The following EPS8L3 variants were observed in gnomAD, a reference collection of about 807,000 sequenced individuals.
The protein encoded by EPS8L3 is EPS8 signaling adaptor L3, also known as epidermal growth factor receptor kinase substrate 8-like protein 3.
A neutral mutation model predicts 88.5 loss-of-function variants in EPS8L3; 80 were observed. That is an observed-to-expected ratio of 0.90 (90% CI 0.75 to 1.09). EPS8L3 has a LOEUF of 1.09. Ranked by LOEUF, EPS8L3 falls within the 50% of genes least tolerant of loss-of-function variation. The pLI is 0.00. For synonymous variants in EPS8L3, 286 were observed against 291.0 expected (o/e 0.98, Z 0.18); for missense variants, 721 against 735.2 (o/e 0.98, Z 0.22).
intron 16 of EPS8L3, 70 bp from the exon 17 acceptor site, chr1:109,751,421 G>T (rs1649781861): frequency 2.0e-6 from 3 of 1,502,806 alleles, no homozygotes; most frequent in Admixed American, 3.5e-5. Context: ...CTAACATCTG[G>T]GTCCCTTCTC....
intron 12 of EPS8L3, 22 bp from the exon 13 acceptor site, chr1:109,753,220 A>G (rs780207255): frequency 3.2e-6 from 5 of 1,584,102 alleles, no homozygotes; most frequent in Non-Finnish European, 4.3e-6. Context: ...AACAAAGCTG[A>G]GTTCACATCC....
Position 109,759,144 on chromosome 1 carries a change from AGT to A in EPS8L3, c.406-29_406-28del, listed in dbSNP as rs3220009. 364,634 of 1,459,138 alleles carry A rather than the reference AGT, an allele frequency of 0.25. 8,269 individuals are homozygous for A. Among genetic ancestry groups the A allele is most frequent in the East Asian group, 0.29 (12,392 of 42,098 alleles). 90.4% of individuals were successfully genotyped at this position (1,459,138 alleles called of 1,614,324 possible). A position where few individuals can be genotyped will look rare whatever the true frequency, so the allele number is the denominator to read the frequency against. On this transcript the variant is annotated intron_variant, in intron 5 of 18. Coordinates refer to ENST00000361965, the MANE Select transcript of EPS8L3 (RefSeq NM_133181.4). The surrounding 1 kb of genome is among the most constrained non-coding windows in gnomAD (Gnocchi z 4.2). ...TGGGAAGCAGCAGTCAGGCAGGCTA[AGT>A]GTGTGTGTGTGTGTGTGTGTGTGTG... is the stretch of plus-strand genomic sequence containing the variant.
chr1:109,751,983 C>A lies in EPS8L3; in HGVS notation c.1434+12G>T. 6.3e-7 allele frequency: 1 copy of A among 1,594,224 alleles called. No homozygotes were observed. The highest frequency in any genetic ancestry group is 1.1e-5 in the South Asian group (1 of 87,404). On this transcript the variant is annotated intron_variant, in intron 15 of 18. Coordinates refer to ENST00000361965, the MANE Select transcript of EPS8L3 (RefSeq NM_133181.4). ...CACCACCTCCTTTTCTAGCCTATGGCCCAAGCCTCACCTCCAGCTTCTCTC... is the reference window on the plus strand; with the variant it reads ...CACCACCTCCTTTTCTAGCCTATGGACCAAGCCTCACCTCCAGCTTCTCTC...
At chr1:109,761,840 C>T in intron 1 of EPS8L3, 67 bp from the exon 2 acceptor site, 6 of 1,430,586 alleles carry the variant, frequency 4.2e-6, no homozygotes, top group Non-Finnish European at 5.9e-6. Context: ...CACAGCAGGG[C>T]AGGACAGTTG....
chr1:109,759,174 T>C lies in EPS8L3; in HGVS notation c.406-57A>G. The C allele has an allele frequency of 6.4e-7, 1 of 1,562,216 alleles. No homozygotes were observed. Among genetic ancestry groups the C allele is most frequent in the East Asian group, 2.2e-5 (1 of 44,688 alleles). On this transcript the variant is annotated intron_variant, in intron 5 of 18. Coordinates refer to ENST00000361965, the MANE Select transcript of EPS8L3 (RefSeq NM_133181.4). The surrounding 1 kb of genome is among the most constrained non-coding windows in gnomAD (Gnocchi z 4.2). ...GTGTGTGTGTGTGTGTGTGTGTGTG[T>C]GTGTGTGTGGTGGGGTGATGGTCGA...
At position 109,757,496 on chromosome 1, in the gene EPS8L3, G is replaced by T. The variant is rs1452615015; in HGVS notation, c.954C>A (p.Phe318Leu). 2.5e-6 allele frequency: 4 copies of T among 1,614,116 alleles called. No individual in the cohort carries two copies. Among genetic ancestry groups the T allele is most frequent in the Non-Finnish European group, 2.5e-6 (3 of 1,179,988 alleles). The change falls in exon 11 of 19, where the codon TTC (phenylalanine) becomes TTA (leucine). Residue 318 changes from phenylalanine (F) to leucine (L), a missense_variant. Transcript: ENST00000361965. The part of the protein sequence containing the change: ...TSAPELVHIL[F>L]KSLNFILARC... Reference sequence around the variant, plus strand: ...CTTGACTCACGAAGTTCAGGGACTTGAAGAGGATGTGTACGAGCTCAGGGG... The same window carrying T: ...CTTGACTCACGAAGTTCAGGGACTTTAAGAGGATGTGTACGAGCTCAGGGG...
At position 109,752,054 on chromosome 1, in the gene EPS8L3, A is replaced by G. The variant is rs750844890; in HGVS notation, c.1375T>C (p.Tyr459His). The G allele has an allele frequency of 3.7e-6, 6 of 1,613,958 alleles. No homozygotes were observed. Among genetic ancestry groups the G allele is most frequent in the South Asian group, 3.3e-5 (3 of 91,044 alleles). Residue 459 changes from tyrosine (Y) to histidine (H), a missense_variant, in exon 15 of 19, where the codon TAC becomes CAC. Physicochemically the swap from Tyr to His is moderately conservative, Grantham distance 83. Coordinates refer to ENST00000361965, the MANE Select transcript of EPS8L3 (RefSeq NM_133181.4). ...AQPALKMQVL[Y>H]EFEARNPREL... ...CGTGGGTTCCTAGCTTCAAACTCGT[A>G]CAAGACTTGCATTTTCAGGGCTGGC...
At chr1:109,750,839 C>T in intron 17 of EPS8L3, 47 bp from the exon 18 acceptor site, 1 of 1,609,984 alleles carries the variant, frequency 6.2e-7, no homozygotes, top group Non-Finnish European at 8.5e-7. Context: ...TGGAAGGACC[C>T]TGGGCCTGAG....
At chr1:109,762,172 C>T (rs1355864164) in intron 1 of EPS8L3, among the ~76,000 whole-genome samples, 5 of 152,156 alleles carry the variant, frequency 3.3e-5, no homozygotes, top group African/African-American at 1.2e-4. Flanking sequence ...GTTCTGTAGC[C>T]GACCCCGCCA....
chr1:109,761,643 G>C, intron 2 of EPS8L3, 76 bp downstream of exon 2: 1 of 1,607,174 alleles, frequency 6.2e-7, no homozygotes, highest in Non-Finnish European at 8.5e-7. Context: ...GTTGGTGTGA[G>C]GAAGGGGGAG....
chr1:109,762,250 AGC>A (rs1651058020), intron 1 of EPS8L3, among the ~76,000 whole-genome samples: 1 of 152,080 alleles, frequency 6.6e-6, no homozygotes, highest in Non-Finnish European at 1.5e-5. Context: ...CTGGCTCTTC[AGC>A]TGTAGACCCT....
Position 109,751,346 on chromosome 1 carries a change from T to C in EPS8L3, c.1569A>G (p.Pro523=). 1 of 1,613,646 alleles carries C rather than the reference T, an allele frequency of 6.2e-7. No homozygotes were observed. Among genetic ancestry groups the C allele is most frequent in the Non-Finnish European group, 8.5e-7 (1 of 1,179,960 alleles). ...CAGGCCTCGAGCTAAGTCGAAGCAT[T>C]GGAACCTAGAATCAGGGGGAACCAG... ...GTQGQSPSRV[P]MLRLSSRPEE... is the part of the protein sequence containing the mutation. The change falls in exon 17 of 19, where the codon CCA becomes CCG. Residue 523 remains proline, a synonymous_variant. Transcript: ENST00000361965.
At chr1:109,761,063 A>G (rs959279224) in intron 3 of EPS8L3, among the ~76,000 whole-genome samples, 17 of 151,792 alleles carry the variant, frequency 1.1e-4, no homozygotes, top group Admixed American at 9.8e-4. Context: ...TCAATCCCCC[A>G]CAGGGCCCAA....
At chr1:109,758,701 G>A (rs377213148) in intron 6 of EPS8L3, 38 bp from the exon 7 acceptor site, 2 of 1,521,830 alleles carry the variant, frequency 1.3e-6, no homozygotes, top group East Asian at 2.3e-5. Flanking sequence ...CTTTGACAAG[G>A]TTCTTTGGAG....
At position 109,752,106 on chromosome 1, in the gene EPS8L3, G is replaced by A. The variant is rs1649853268; in HGVS notation, c.1323C>T (p.Ser441=). ...GGGCAGGTTTGGGGCTGGAGGGCCT[G>A]GAGTTGGGGTCCCCAGGCTGAGGGT... The part of the protein sequence containing the change: ...NHDPQPGDPN[S]RPSSPKPAQP... Residue 441 remains serine, a synonymous_variant, in exon 15 of 19, where the codon TCC becomes TCT. Transcript: ENST00000361965. The A allele has an allele frequency of 6.2e-7, 1 of 1,614,018 alleles. No homozygotes were observed. The highest frequency in any genetic ancestry group is 1.3e-5 in the African/African-American group (1 of 74,892).
At chr1:109,756,486 C>T (rs1650295389) in intron 12 of EPS8L3, among the ~76,000 whole-genome samples, 1 of 152,250 alleles carries the variant, frequency 6.6e-6, no homozygotes, top group South Asian at 2.1e-4. Context: ...GATCCGCCCA[C>T]CTGGCCTCCC....
chr1:109,758,169 C>T, intron 8 of EPS8L3, 111 bp from the exon 9 acceptor site: 2 of 1,306,762 alleles, frequency 1.5e-6, no homozygotes, highest in Non-Finnish European at 2.2e-6. Flanking sequence ...CAGGCCCAGC[C>T]TGGAGTATAA....
chr1:109,755,782 C>A (rs1250317034), intron 12 of EPS8L3, among the ~76,000 whole-genome samples: 1 of 152,196 alleles, frequency 6.6e-6, no homozygotes, highest in African/African-American at 2.4e-5. Flanking sequence ...CATCATGCCA[C>A]TGCACTCCAG....
rs767372384 is a variant in EPS8L3, at chr1:109,758,584, C to T, written c.541G>A (p.Ala181Thr). ...AMERPLPMEQ[A>T]RYLEPGIPPE... ...GGGATCCCCGGCTCCAGATAGCGTG[C>T]CTGCTCCATAGGGAGCGGCCTTTCC... The change falls in exon 7 of 19, where the codon GCA (alanine) becomes ACA (threonine). Residue 181 changes from alanine to threonine, a missense_variant. Ala to Thr is a moderately conservative substitution (Grantham distance 58). Transcript: ENST00000361965. The T allele has an allele frequency of 8.1e-6, 13 of 1,613,454 alleles. No individual in the cohort carries two copies. Among genetic ancestry groups the T allele is most frequent in the Non-Finnish European group, 1.1e-5 (13 of 1,179,662 alleles).
Sources: gnomAD v4.1 joint callset for allele counts (sites outside exome capture counted in the v4.1 genomes callset) on GRCh38, gnomAD v4.1.1 for gene constraint, Gnocchi (gnomAD v3.1) non-coding constraint, MANE v1.5 for transcripts, NCBI Gene and HGNC (gene_info 2026-07-23, HGNC 2026-07-21) for gene names.